The following PSMG2 variants were observed in gnomAD, a reference collection of about 807,000 sequenced individuals.
PSMG2 encodes the protein CD40 ligand-activated specific transcript 3.
PSMG2 carries 21 observed loss-of-function variants against 31.5 expected under a neutral mutation model. The ratio of observed to expected loss-of-function variants is 0.67; its 90% CI spans 0.47 to 0.96. The LOEUF (loss-of-function observed/expected upper bound fraction) is 0.96, where lower values mean the gene tolerates loss of function less well. Among genes scored for constraint, PSMG2 ranks in the 40% least tolerant of loss-of-function variants. The pLI, the probability that PSMG2 is intolerant of heterozygous loss-of-function variation, is 0.00. For missense variants in PSMG2, 318 were observed against 321.2 expected, an observed-to-expected ratio of 0.99 and a Z score of 0.08; for synonymous variants, 120 against 110.4, an observed-to-expected ratio of 1.09 and a Z score of -0.54.
intron 1 of PSMG2, among the ~76,000 whole-genome samples, chr18:12,663,986 G>A (rs1175020870): frequency 1.3e-5 from 2 of 152,180 alleles, no homozygotes; most frequent in African/African-American, 4.8e-5. Context: ...CCAACATGGA[G>A]AAACCCTGTC....
intron 1 of PSMG2, among the ~76,000 whole-genome samples, chr18:12,706,050 A>G (rs2040265342): frequency 1.3e-5 from 2 of 152,268 alleles, no homozygotes. Flanking sequence ...TTCAATAAGT[A>G]TTTGTTAAAT....
intron 1 of PSMG2, chr18:12,673,076 A>T: frequency 9.9e-7 from 1 of 1,011,140 alleles, no homozygotes; most frequent in Non-Finnish European, 1.2e-6. Flanking sequence ...TGCATTTTAT[A>T]TTAATATTTA....
intron 1 of PSMG2, chr18:12,691,504 AT>A (rs779165813): frequency 4.5e-6 from 7 of 1,561,314 alleles, no homozygotes; most frequent in South Asian, 2.4e-5. Flanking sequence ...ATTGAAAAAA[AT>A]ATTTTTCAAT....
At position 12,678,172 on chromosome 18, in the gene PSMG2, G is replaced by A. The variant is rs372594882; in HGVS notation, c.-37+19399G>A. The A allele has an allele frequency of 2.0e-5, 33 of 1,614,034 alleles. No individual in the cohort carries two copies. In the East Asian group the frequency reaches 3.1e-4, roughly 15 times the overall value. On this transcript the variant is annotated intron_variant, in intron 1 of 6. Coordinates refer to the PSMG2 transcript ENST00000585331. Reference sequence around the variant, plus strand: ...CAATTTCATTACTTGTTACTGACGCGTCAATTGTGGATGCACACAGAGGTG... The same window carrying A: ...CAATTTCATTACTTGTTACTGACGCATCAATTGTGGATGCACACAGAGGTG...
chr18:12,705,225 C>T (rs1184546766), intron 1 of PSMG2, among the ~76,000 whole-genome samples: 1 of 152,052 alleles, frequency 6.6e-6, no homozygotes, highest in Non-Finnish European at 1.5e-5. Flanking sequence ...CCACCACGCC[C>T]AGCTAATTTT....
upstream of PSMG2, among the ~76,000 whole-genome samples, chr18:12,699,600 C>T (rs557581497): frequency 2.6e-5 from 4 of 152,176 alleles, no homozygotes; most frequent in East Asian, 7.7e-4. Context: ...TTTTATAAAA[C>T]ATATTATTAA....
intron 3 of PSMG2, among the ~76,000 whole-genome samples, chr18:12,713,438 G>A (rs528896375): frequency 6.6e-6 from 1 of 152,196 alleles, no homozygotes; most frequent in African/African-American, 2.4e-5. Context: ...CTTCAAGGCA[G>A]TGTTTTTATT....
chr18:12,689,689 T>C (rs1393427849), intron 1 of PSMG2, among the ~76,000 whole-genome samples: 1 of 152,198 alleles, frequency 6.6e-6, no homozygotes. Flanking sequence ...CACTCCATCC[T>C]GAGTCCTCTC....
intron 1 of PSMG2, chr18:12,665,119 G>T (rs1293933822): frequency 6.6e-6 from 1 of 151,928 alleles, no homozygotes; most frequent in East Asian, 1.9e-4. Context: ...GACCCTATGA[G>T]AACCTCATTT....
chr18:12,686,341 T>A, intron 1 of PSMG2: 1 of 1,614,110 alleles, frequency 6.2e-7, no homozygotes, highest in Non-Finnish European at 8.5e-7. Context: ...GGCTCGTTCA[T>A]AACCAAGGAC....
At chr18:12,724,643 CTCT>C in intron 6 of PSMG2, 24 bp downstream of exon 6, 4 of 1,564,252 alleles carry the variant, frequency 2.6e-6, no homozygotes, top group African/African-American at 1.4e-5. Context: ...TAGCTTAAGC[CTCT>C]TCTTTGTCTG....
upstream of PSMG2, among the ~76,000 whole-genome samples, chr18:12,700,588 A>G (rs929291511): frequency 6.6e-5 from 10 of 152,186 alleles, no homozygotes; most frequent in African/African-American, 2.4e-4. Flanking sequence ...ATAATCCCAA[A>G]AGAGTGCTTA....
At chr18:12,697,394 T>C (rs946761094) in intron 1 of PSMG2, 19 of 1,608,628 alleles carry the variant, frequency 1.2e-5, no homozygotes, top group Non-Finnish European at 1.4e-5. Flanking sequence ...GAATCAGCCA[T>C]TCTAGTTCCA....
intron 1 of PSMG2, among the ~76,000 whole-genome samples, chr18:12,669,760 G>C (rs901374270): frequency 6.6e-6 from 1 of 152,076 alleles, no homozygotes; most frequent in Non-Finnish European, 1.5e-5. Context: ...CAGCACTTTG[G>C]GAGGCCAAGG....
chr18:12,718,721 C>T (rs977387908), intron 4 of PSMG2, 86 bp downstream of exon 4: 9 of 962,634 alleles, frequency 9.3e-6, no homozygotes, highest in South Asian at 4.0e-5. Context: ...TTAAAAGCCA[C>T]GTAGATCCTT....
At chr18:12,671,628 A>G (rs992355349) in intron 1 of PSMG2, among the ~76,000 whole-genome samples, 2 of 147,016 alleles carry the variant, frequency 1.4e-5, no homozygotes, top group Admixed American at 1.4e-4. Context: ...TTGAGGAATC[A>G]GGTTTCACAC....
At chr18:12,709,901 G>T (rs1206780582) in intron 2 of PSMG2, among the ~76,000 whole-genome samples, 3 of 151,682 alleles carry the variant, frequency 2.0e-5, no homozygotes, top group Non-Finnish European at 4.4e-5. Context: ...CTCCCAAAGT[G>T]CCGGAATTAC....
At chr18:12,683,513 G>A (rs1205109842) in intron 1 of PSMG2, among the ~76,000 whole-genome samples, 6 of 152,036 alleles carry the variant, frequency 3.9e-5, no homozygotes, top group Admixed American at 3.9e-4. Flanking sequence ...CACTTTAGGA[G>A]GCAGAGGCGG....
chr18:12,665,750 T>C (rs188468813), intron 1 of PSMG2, among the ~76,000 whole-genome samples: 17 of 152,260 alleles, frequency 1.1e-4, no homozygotes, highest in African/African-American at 4.1e-4. Flanking sequence ...CAGACTGGAG[T>C]GCATTGGCAC....
Sources: gnomAD v4.1 joint callset for allele counts (sites outside exome capture counted in the v4.1 genomes callset) on GRCh38, gnomAD v4.1.1 for gene constraint, MANE v1.5 for transcripts, NCBI Gene and HGNC (gene_info 2026-07-23, HGNC 2026-07-21) for gene names.